The following HELZ variants were observed in gnomAD, a reference collection of about 807,000 sequenced individuals.
HELZ encodes the protein helicase with zinc finger, also known as ATP-dependent RNA helicase with zinc finger domain.
In HELZ, 23 loss-of-function variants were observed where a neutral mutation model predicts 218.2. The observed-to-expected ratio is 0.11, with a 90% CI of 0.08 to 0.15. The LOEUF (loss-of-function observed/expected upper bound fraction) is 0.15, where lower values mean the gene tolerates loss of function less well. Ranked by LOEUF, HELZ falls within the 10% of genes least tolerant of loss-of-function variation. The pLI is 1.00. For missense variants in HELZ, 1,813 were observed against 2,353.7 expected (o/e 0.77, Z 4.75); for synonymous variants, 814 against 829.4 (o/e 0.98, Z 0.32).
At position 67,131,999 on chromosome 17, in the gene HELZ, C is replaced by T. The variant is rs149248472; in HGVS notation, c.3183-3144G>A. 4.9e-3 allele frequency among the ~76,000 whole-genome samples: 751 copies of T among 152,172 alleles called. 16 individuals carry two copies. Among genetic ancestry groups the T allele is most frequent in the Admixed American group, 0.037 (566 of 15,290 alleles). On this transcript the variant is annotated intron_variant, in intron 23 of 32. Coordinates refer to ENST00000358691, the MANE Select transcript of HELZ (RefSeq NM_014877.4). Reference sequence around the variant, plus strand: ...ATTTCATCAATTCTCAGCCCCCTCCCTAAAACGTTAACATAATATTATGTT... The same window carrying T: ...ATTTCATCAATTCTCAGCCCCCTCCTTAAAACGTTAACATAATATTATGTT...
At chr17:67,221,510 G>A (rs1195927192) in intron 3 of HELZ, among the ~76,000 whole-genome samples, 1 of 152,176 alleles carries the variant, frequency 6.6e-6, no homozygotes, top group Admixed American at 6.5e-5. Context: ...TAATGCACCA[G>A]CTAAAATCTT....
chr17:67,070,470 T>A lies in HELZ; in HGVS notation c.*7782A>T, dbSNP rs902892769. Reference sequence around the variant, plus strand: ...TATTAAAAAGGCATTTTATTATAAATACATTTTAGTTGTAGCAGTAAAATA... The same window carrying A: ...TATTAAAAAGGCATTTTATTATAAAAACATTTTAGTTGTAGCAGTAAAATA... On this transcript the variant is annotated 3_prime_UTR_variant, in exon 33 of 33. Transcript: ENST00000358691. 6.6e-6 allele frequency: 1 copy of A among 152,234 alleles called. No homozygotes were observed. The highest frequency in any genetic ancestry group is 2.4e-5 in the African/African-American group (1 of 41,464). 9.4% of individuals were successfully genotyped at this position (152,234 alleles called of 1,614,324 possible). A position where few individuals can be genotyped will look rare whatever the true frequency, so the allele number is the denominator to read the frequency against.
intron 28 of HELZ, among the ~76,000 whole-genome samples, chr17:67,112,081 T>C (rs1401530732): frequency 2.6e-5 from 4 of 152,060 alleles, no homozygotes; most frequent in Admixed American, 1.3e-4. Flanking sequence ...CTAAGCAAGG[T>C]AGAGAATGGT....
intron 6 of HELZ, among the ~76,000 whole-genome samples, chr17:67,201,871 T>C (rs2040178016): frequency 6.6e-6 from 1 of 152,192 alleles, no homozygotes; most frequent in Non-Finnish European, 1.5e-5. Flanking sequence ...AGCTTTTAAG[T>C]TCATTTATGA....
chr17:67,220,858 C>T (rs566443255), intron 3 of HELZ, among the ~76,000 whole-genome samples: 6 of 145,070 alleles, frequency 4.1e-5, no homozygotes, highest in South Asian at 2.4e-4. Flanking sequence ...CTCCCCCCCC[C>T]CCAAAAAAAA....
Position 67,190,172 on chromosome 17 carries a change from C to A in HELZ, c.741G>T (p.Leu247Phe). ...TTTTCCTCACCACTTTCTCAGGAGA[C>A]AATGAATTCATCCACTTTTCTATCA... ...ETLIEKWMNS[L>F]SPEKVLSECI... The change falls in exon 10 of 33, where the codon TTG becomes TTT. Residue 247 changes from leucine (L) to phenylalanine (F), a missense_variant. Leu to Phe is a conservative substitution (Grantham distance 22). Transcript: ENST00000358691. The A allele has an allele frequency of 6.2e-7, 1 of 1,613,636 alleles. No homozygotes were observed. The highest frequency in any genetic ancestry group is 8.5e-7 in the Non-Finnish European group (1 of 1,179,566).
chr17:67,158,565 T>C (rs1241721639), intron 17 of HELZ, among the ~76,000 whole-genome samples: 1 of 152,182 alleles, frequency 6.6e-6, no homozygotes, highest in East Asian at 1.9e-4. Context: ...AAAGAAAATA[T>C]TTGGGAAGTC....
At chr17:67,135,846 T>C (rs1190480674) in intron 23 of HELZ, 124 bp downstream of exon 23, 7 of 703,718 alleles carry the variant, frequency 9.9e-6, no homozygotes, top group Non-Finnish European at 2.4e-6. Flanking sequence ...GTGTTCCCAC[T>C]GGATATCAGG....
At chr17:67,132,939 T>C (rs890747938) in intron 23 of HELZ, among the ~76,000 whole-genome samples, 6 of 152,178 alleles carry the variant, frequency 3.9e-5, no homozygotes, top group Non-Finnish European at 8.8e-5. Flanking sequence ...TACAAAGAAC[T>C]CACTCTTCCA....
At position 67,073,907 on chromosome 17, in the gene HELZ, G is replaced by A. The variant is rs1016314101; in HGVS notation, c.*4345C>T. 6 of 152,234 alleles carry A rather than the reference G, an allele frequency of 3.9e-5. 1 individual carries two copies. The highest frequency in any genetic ancestry group is 1.4e-4 in the African/African-American group (6 of 41,532). The allele number at this position is 152,234 out of a possible 1,614,324, so 9.4% of individuals were successfully genotyped here. A position where few individuals can be genotyped will look rare whatever the true frequency, so the allele number is the denominator to read the frequency against. ...TCCTCAAGCAGATGGGAAATGTGAG[G>A]AGCATATCATAATGAGCATTTTCAA... On this transcript the variant is annotated 3_prime_UTR_variant, in exon 33 of 33. Transcript: ENST00000358691.
chr17:67,145,990 T>G (rs1372971856), intron 20 of HELZ, 100 bp from the exon 21 acceptor site: 1 of 1,011,616 alleles, frequency 9.9e-7, no homozygotes, highest in East Asian at 2.6e-5. Context: ...AATATTGCCT[T>G]ATGTCCATGA....
At chr17:67,104,262 G>A (rs1014101536) in intron 31 of HELZ, among the ~76,000 whole-genome samples, 6 of 151,896 alleles carry the variant, frequency 4.0e-5, no homozygotes, top group South Asian at 2.1e-4. Flanking sequence ...GTGAAACCCC[G>A]TATCTACTAA....
At chr17:67,192,340 A>G (rs986538872) in intron 9 of HELZ, among the ~76,000 whole-genome samples, 3 of 152,212 alleles carry the variant, frequency 2.0e-5, no homozygotes, top group African/African-American at 7.2e-5. Flanking sequence ...ACCACAGCAC[A>G]ATATGAATTT....
At position 67,211,239 on chromosome 17, in the gene HELZ, T is replaced by A. The variant is rs550775738; in HGVS notation, c.247+4660A>T. Among the ~76,000 whole-genome samples, 3 of 149,066 alleles carry A rather than the reference T, an allele frequency of 2.0e-5. No homozygotes were observed. In the South Asian group the frequency reaches 6.4e-4, roughly 32 times the overall value. The stretch of plus-strand genomic sequence containing the variant: ...TCCTGGTTTAAACAAATCAGCTATT[T>A]AAAAAAAAAACTTTGGGGACAGAAA... On this transcript the variant is annotated intron_variant, in intron 5 of 32. Coordinates refer to ENST00000358691, the MANE Select transcript of HELZ (RefSeq NM_014877.4).
chr17:67,166,535 T>C lies in HELZ; in HGVS notation c.1838A>G (p.Asn613Ser), dbSNP rs1183583269. The stretch of plus-strand genomic sequence containing the variant: ...ACTGATGTCTGGAAACAAAACCCCA[T>C]TGTCCTTGATCCTGTCTAGTGCATA... ...MHYALDRIKDNGVLFPDISMT... is the reference protein window; with the variant it reads ...MHYALDRIKDSGVLFPDISMT... The change falls in exon 15 of 33, where the codon AAT becomes AGT. Residue 613 changes from asparagine to serine, a missense_variant. Asn to Ser is a conservative substitution (Grantham distance 46). Around this residue, in one of 4 missense-constraint regions of HELZ, gnomAD observed 714 missense variants for 1,029.2 expected, o/e 0.69. Coordinates refer to ENST00000358691, the MANE Select transcript of HELZ (RefSeq NM_014877.4). The C allele has an allele frequency of 6.2e-7, 1 of 1,613,156 alleles. No homozygotes were observed. Among genetic ancestry groups the C allele is most frequent in the Non-Finnish European group, 8.5e-7 (1 of 1,179,178 alleles).
At chr17:67,189,493 A>G in intron 11 of HELZ, 96 bp downstream of exon 11, 1 of 718,198 alleles carries the variant, frequency 1.4e-6, no homozygotes, top group Non-Finnish European at 2.4e-6. Flanking sequence ...AGATTAAAAT[A>G]TTTTCAATAT....
At chr17:67,186,709 A>T (rs534936373) in intron 12 of HELZ, among the ~76,000 whole-genome samples, 1 of 152,336 alleles carries the variant, frequency 6.6e-6, no homozygotes, top group African/African-American at 2.4e-5. Context: ...CTATGGGTAA[A>T]GGAGTCTGAG....
At chr17:67,106,011 T>A (rs1413715057) in intron 31 of HELZ, among the ~76,000 whole-genome samples, 3 of 152,222 alleles carry the variant, frequency 2.0e-5, no homozygotes, top group Admixed American at 2.0e-4. Context: ...TCTAATGGCC[T>A]TTAGATATCA....
chr17:67,097,990 A>G (rs2036800928), intron 31 of HELZ, among the ~76,000 whole-genome samples: 2 of 152,238 alleles, frequency 1.3e-5, no homozygotes, highest in Non-Finnish European at 2.9e-5. Context: ...AACATTTAGC[A>G]GCTACAACTG....
Sources: allele counts gnomAD v4.1 joint callset (sites outside exome capture counted in the v4.1 genomes callset), GRCh38; gene constraint gnomAD v4.1.1; regional missense constraint gnomAD v4.1.1; transcripts MANE v1.5; gene names NCBI Gene and HGNC (gene_info 2026-07-23, HGNC 2026-07-21).